The following TUG1 variants were observed in gnomAD, a reference collection of about 807,000 sequenced individuals.
TUG1 encodes taurine up-regulated 1, also known as taurine upregulated gene 1.
intron 2 of TUG1, chr22:30,974,425 CAG>C (rs2041266254): frequency 6.6e-6 from 1 of 151,404 alleles, no homozygotes; most frequent in African/African-American, 2.4e-5. Context: ...TAATCAAACA[CAG>C]AAGGATATTT....
exon 3 of TUG1, chr22:30,976,129 G>T (rs2041285923): frequency 6.7e-6 from 1 of 149,498 alleles, no homozygotes; most frequent in African/African-American, 2.5e-5. Flanking sequence ...CTATTCTCCA[G>T]AATTATTATG....
intron 2 of TUG1, chr22:30,974,127 A>T (rs1348018640): frequency 6.6e-6 from 1 of 152,144 alleles, no homozygotes; most frequent in Admixed American, 6.5e-5. Context: ...TATCTTTGCA[A>T]ACTAGTATTT....
exon 3 of TUG1, chr22:30,977,355 AG>A (rs1010143417): frequency 2.0e-5 from 3 of 152,180 alleles, no homozygotes; most frequent in African/African-American, 7.2e-5. Context: ...TACCAAAGAA[AG>A]TAGGGCCAAC....
At chr22:30,971,463 G>A (rs2041229223) in exon 1 of TUG1, 1 of 152,654 alleles carries the variant, frequency 6.6e-6, no homozygotes, top group African/African-American at 2.4e-5. Context: ...AGGATTGGAG[G>A]TTGAAAAGAT....
At chr22:30,974,086 T>A (rs538171383) in intron 2 of TUG1, 1 of 152,306 alleles carries the variant, frequency 6.6e-6, no homozygotes, top group African/African-American at 2.4e-5. Flanking sequence ...CTTACTGATA[T>A]TCCTGGGCCC....
exon 3 of TUG1, chr22:30,978,796 C>T (rs1310785724): frequency 2.6e-5 from 4 of 152,272 alleles, no homozygotes; most frequent in Non-Finnish European, 4.4e-5. Context: ...GCTAGAATAT[C>T]CCCTGGACTT....
chr22:30,972,463 G>A (rs919895993), intron 1 of TUG1: 6 of 152,106 alleles, frequency 3.9e-5, no homozygotes, highest in Non-Finnish European at 7.4e-5. Flanking sequence ...AAGAGGAAGA[G>A]GGGCAATGTC....
At chr22:30,977,573 A>G (rs1569213823) in exon 3 of TUG1, 1 of 152,148 alleles carries the variant, frequency 6.6e-6, no homozygotes, top group Non-Finnish European at 1.5e-5. Context: ...TTAACCCCTG[A>G]GTACCCAGAG....
exon 3 of TUG1, chr22:30,978,878 T>C (rs560705361): frequency 6.6e-6 from 1 of 152,270 alleles, no homozygotes; most frequent in East Asian, 1.9e-4. Context: ...TTACTTGAAA[T>C]TGAATCCACA....
At chr22:30,972,438 T>C (rs1041856583) in intron 1 of TUG1, 2 of 152,182 alleles carry the variant, frequency 1.3e-5, no homozygotes, top group Non-Finnish European at 2.9e-5. Context: ...TAAGACAGTT[T>C]GAGGAAGGCA....
exon 1 of TUG1, chr22:30,969,474 G>A (rs1320717362): frequency 6.6e-6 from 1 of 152,254 alleles, no homozygotes; most frequent in African/African-American, 2.4e-5. Flanking sequence ...TGGGGCGCAG[G>A]CCCGGCCGCC....
intron 1 of TUG1, chr22:30,972,160 GA>G (rs1343790667): frequency 1.3e-5 from 2 of 152,284 alleles, no homozygotes; most frequent in African/African-American, 4.8e-5. Flanking sequence ...CAGGCTATCA[GA>G]ATAACCACTC....
At position 30,977,565 on chromosome 22, in the gene TUG1, A is replaced by C. The variant is rs921332082; in HGVS notation, c.*5090A>C. On this transcript the variant is annotated 3_prime_UTR_variant, in exon 3 of 3. Transcript: ENST00000644773. ...GTATCCAGAATAAGCCCTATGGATTAACCCCTGAGTACCCAGAGTAAAAAC... is the reference window on the plus strand; with the variant it reads ...GTATCCAGAATAAGCCCTATGGATTCACCCCTGAGTACCCAGAGTAAAAAC... 3.9e-5 allele frequency: 6 copies of C among 152,204 alleles called. No individual in the cohort carries two copies. In the East Asian group the frequency reaches 1.2e-3, roughly 29 times the overall value. 9.4% of individuals were successfully genotyped at this position (152,204 alleles called of 1,614,324 possible). A position where few individuals can be genotyped will look rare whatever the true frequency, so the allele number is the denominator to read the frequency against.
chr22:30,976,785 T>G (rs2041292633), exon 3 of TUG1: 1 of 152,198 alleles, frequency 6.6e-6, no homozygotes, highest in Non-Finnish European at 1.5e-5. Context: ...AATGCACTGG[T>G]TAAACATTGG....
exon 3 of TUG1, chr22:30,979,284 G>A (rs2147377589): frequency 6.6e-6 from 1 of 152,060 alleles, no homozygotes; most frequent in East Asian, 1.9e-4. Context: ...AGCTTTCTTT[G>A]AACAGTGTAG....
exon 1 of TUG1, chr22:30,970,456 G>A (rs1397469289): frequency 6.6e-6 from 1 of 152,116 alleles, no homozygotes; most frequent in African/African-American, 2.4e-5. Context: ...TTCACCATGG[G>A]GTGCCTGAAG....
chr22:30,971,602 A>G (rs563747341), exon 1 of TUG1: 2 of 152,896 alleles, frequency 1.3e-5, no homozygotes, highest in Admixed American at 1.3e-4. Flanking sequence ...TGCGGCAGGA[A>G]CACTGGAGGT....
chr22:30,972,427 A>G (rs139749973), intron 1 of TUG1: 1 of 152,368 alleles, frequency 6.6e-6, no homozygotes, highest in Non-Finnish European at 1.5e-5. Flanking sequence ...GGAGAAGGTC[A>G]TAAGACAGTT....
chr22:30,971,324 T>C (rs1602528841), exon 1 of TUG1: 1 of 152,304 alleles, frequency 6.6e-6, no homozygotes, highest in Non-Finnish European at 1.5e-5. Context: ...TGCTCTTTTG[T>C]AATTAAATCC....
Sources: allele counts gnomAD v4.1 joint callset, GRCh38; gene constraint gnomAD v4.1.1; transcripts MANE v1.5; gene names NCBI Gene and HGNC (gene_info 2026-07-23, HGNC 2026-07-21).